The following TP63 variants were observed in gnomAD, a reference collection of about 807,000 sequenced individuals.
The protein encoded by TP63 is tumor protein 63.
A neutral mutation model predicts 82.8 loss-of-function variants in TP63; 17 were observed. The ratio of observed to expected loss-of-function variants is 0.21; its 90% CI spans 0.14 to 0.31. TP63 has a LOEUF of 0.31. Among genes scored for constraint, TP63 ranks in the 10% least tolerant of loss-of-function variants. TP63 has a pLI of 1.00. For synonymous variants in TP63, 330 were observed against 321.7 expected (o/e 1.03, Z -0.28); for missense variants, 648 against 895.3 (o/e 0.72, Z 3.52).
intron 4 of TP63, among the ~76,000 whole-genome samples, chr3:189,859,606 T>A (rs1716753389): frequency 6.6e-6 from 1 of 152,282 alleles, no homozygotes; most frequent in South Asian, 2.1e-4. Context: ...CAAGTGACAA[T>A]GTAAAATGGC....
upstream of TP63, among the ~76,000 whole-genome samples, chr3:189,626,708 T>C (rs1449598590): frequency 6.6e-6 from 1 of 152,212 alleles, no homozygotes; most frequent in African/African-American, 2.4e-5. Flanking sequence ...TTTTGGGAAT[T>C]TGAATCTTAA....
chr3:189,858,651 C>T (rs967558508), intron 4 of TP63, among the ~76,000 whole-genome samples: 1 of 152,002 alleles, frequency 6.6e-6, no homozygotes, highest in Non-Finnish European at 1.5e-5. Flanking sequence ...TAGTAGTGCG[C>T]ACCTGTAGCC....
chr3:189,732,794 T>C (rs1720269846), intron 1 of TP63, among the ~76,000 whole-genome samples: 1 of 151,234 alleles, frequency 6.6e-6, no homozygotes, highest in Non-Finnish European at 1.5e-5. Context: ...CCACAAGAAA[T>C]ACAGAGCTGA....
At chr3:189,655,700 A>C (rs1332237685) in intron 1 of TP63, among the ~76,000 whole-genome samples, 1 of 152,216 alleles carries the variant, frequency 6.6e-6, no homozygotes, top group Non-Finnish European at 1.5e-5. Flanking sequence ...AGAAGCCATA[A>C]AGTGGTAAGA....
chr3:189,618,040 T>C, the TP63 span, among the ~76,000 whole-genome samples: 2 of 152,230 alleles, frequency 1.3e-5, no homozygotes, highest in Non-Finnish European at 2.9e-5. Flanking sequence ...GTAGGCTGCA[T>C]AATGTGCAGC....
At chr3:189,717,687 A>C (rs1213561387) in intron 1 of TP63, among the ~76,000 whole-genome samples, 1 of 152,224 alleles carries the variant, frequency 6.6e-6, no homozygotes, top group Non-Finnish European at 1.5e-5. Context: ...TAAGCTGCTT[A>C]ATGCTTCTGC....
intron 1 of TP63, among the ~76,000 whole-genome samples, chr3:189,710,178 C>T (rs930145998): frequency 1.3e-5 from 2 of 152,088 alleles, no homozygotes; most frequent in Non-Finnish European, 2.9e-5. Context: ...AGAAAACATA[C>T]CTTCACTGTG....
chr3:189,700,376 G>T (rs1410372161), intron 1 of TP63, among the ~76,000 whole-genome samples: 1 of 152,174 alleles, frequency 6.6e-6, no homozygotes, highest in Non-Finnish European at 1.5e-5. Flanking sequence ...CTCTAGGTCA[G>T]TCCCAGTGTT....
chr3:189,861,469 G>A (rs1371714554), intron 4 of TP63, among the ~76,000 whole-genome samples: 1 of 152,076 alleles, frequency 6.6e-6, no homozygotes, highest in Non-Finnish European at 1.5e-5. Flanking sequence ...AGATAGATAA[G>A]GCCATAATAC....
chr3:189,892,828 G>T (rs1721157194), intron 13 of TP63, among the ~76,000 whole-genome samples: 1 of 152,004 alleles, frequency 6.6e-6, no homozygotes, highest in South Asian at 2.1e-4. Flanking sequence ...ATTTTTTTGT[G>T]GATTACCTTC....
At chr3:189,754,466 A>C (rs1248888306) in intron 3 of TP63, among the ~76,000 whole-genome samples, 2 of 152,196 alleles carry the variant, frequency 1.3e-5, no homozygotes, top group Admixed American at 1.3e-4. Flanking sequence ...CACGTATTGT[A>C]TGAACATATC....
intron 3 of TP63, among the ~76,000 whole-genome samples, chr3:189,761,259 C>A (rs1417313105): frequency 6.6e-6 from 1 of 152,182 alleles, no homozygotes; most frequent in Non-Finnish European, 1.5e-5. Flanking sequence ...TGTCAGGCTG[C>A]AAATTTTCCA....
At chr3:189,708,674 C>G (rs865989493) in intron 1 of TP63, among the ~76,000 whole-genome samples, 1 of 152,080 alleles carries the variant, frequency 6.6e-6, no homozygotes, top group Non-Finnish European at 1.5e-5. Flanking sequence ...GGTCTTGAAC[C>G]CCTAAACCCA....
chr3:189,802,437 T>A (rs1326569580), intron 3 of TP63, among the ~76,000 whole-genome samples: 1 of 152,214 alleles, frequency 6.6e-6, no homozygotes, highest in Non-Finnish European at 1.5e-5. Flanking sequence ...CTGTTTTGAA[T>A]GTGGTCTTAT....
At chr3:189,724,115 C>A (rs1269395679) in intron 1 of TP63, among the ~76,000 whole-genome samples, 1 of 150,790 alleles carries the variant, frequency 6.6e-6, no homozygotes, top group African/African-American at 2.4e-5. Context: ...GTTATCCAAC[C>A]TATATTTTTA....
intron 1 of TP63, among the ~76,000 whole-genome samples, chr3:189,702,867 T>C (rs1399078416): frequency 1.3e-5 from 2 of 152,220 alleles, no homozygotes; most frequent in East Asian, 3.8e-4. Flanking sequence ...AAATAATATA[T>C]GTATAAAGAA....
intron 1 of TP63, among the ~76,000 whole-genome samples, chr3:189,718,840 A>C (rs1397083943): frequency 6.6e-6 from 1 of 152,110 alleles, no homozygotes; most frequent in African/African-American, 2.4e-5. Context: ...ATTACTTTTG[A>C]GCTTTACTTT....
At chr3:189,599,784 T>C in the TP63 span, among the ~76,000 whole-genome samples, 1 of 152,228 alleles carries the variant, frequency 6.6e-6, no homozygotes, top group East Asian at 1.9e-4. Flanking sequence ...ACAACTTACT[T>C]TGACATTGCT....
the TP63 span, among the ~76,000 whole-genome samples, chr3:189,613,783 A>T: frequency 2.0e-5 from 3 of 152,196 alleles, no homozygotes; most frequent in African/African-American, 4.8e-5. Flanking sequence ...TAAGACCTGG[A>T]GTCAAAGGAG....
Sources: gnomAD v4.1 joint callset for allele counts (sites outside exome capture counted in the v4.1 genomes callset) on GRCh38, gnomAD v4.1.1 for gene constraint, MANE v1.5 for transcripts, NCBI Gene and HGNC (gene_info 2026-07-23, HGNC 2026-07-21) for gene names.